The following TENM2 variants were observed in gnomAD, a reference collection of about 807,000 sequenced individuals.
The protein encoded by TENM2 is teneurin-2.
A neutral mutation model predicts 245.2 loss-of-function variants in TENM2; 52 were observed. The ratio of observed to expected loss-of-function variants is 0.21; its 90% CI spans 0.17 to 0.27. TENM2 has a LOEUF of 0.27. Ranked by LOEUF, TENM2 falls within the 10% of genes least tolerant of loss-of-function variation. The pLI is 1.00. For missense variants in TENM2, 3,046 were observed against 3,666.8 expected, an observed-to-expected ratio of 0.83 and a Z score of 4.37; for synonymous variants, 1,363 against 1,438.9, an observed-to-expected ratio of 0.95 and a Z score of 1.19.
chr5:167,078,108 G>T, the TENM2 span, among the ~76,000 whole-genome samples: 1 of 151,906 alleles, frequency 6.6e-6, no homozygotes, highest in African/African-American at 2.4e-5. Flanking sequence ...GTAAGTCAAA[G>T]GATTATAGTT....
chr5:167,585,659 C>A (rs1486187835), intron 2 of TENM2, among the ~76,000 whole-genome samples: 1 of 151,968 alleles, frequency 6.6e-6, no homozygotes, highest in African/African-American at 2.4e-5. Context: ...CTATGTTACA[C>A]AAAGACATAA....
chr5:168,119,097 T>C (rs1053836816), intron 10 of TENM2, among the ~76,000 whole-genome samples: 1 of 152,214 alleles, frequency 6.6e-6, no homozygotes, highest in African/African-American at 2.4e-5. Context: ...GTAGGTTTTT[T>C]ATGTCATTTA....
Position 168,154,344 on chromosome 5 carries a change from G to A in TENM2, c.2423-8267G>A, listed in dbSNP as rs547475449. On this transcript the variant is annotated intron_variant, in intron 12 of 28. Coordinates refer to ENST00000518659, the Ensembl canonical transcript of TENM2. The stretch of plus-strand genomic sequence containing the variant: ...CAATTCTCCTGCCTCAGCCTCTCAA[G>A]TAGCTGGGATTATAGGTGCCTGCCA... Among the ~76,000 whole-genome samples the A allele has an allele frequency of 3.6e-3, 547 of 152,004 alleles. 4 individuals are homozygous for A. The highest frequency in any genetic ancestry group is 0.013 in the African/African-American group (528 of 41,430).
chr5:167,888,284 A>G (rs1774456431), intron 3 of TENM2, among the ~76,000 whole-genome samples: 1 of 152,136 alleles, frequency 6.6e-6, no homozygotes, highest in Admixed American at 6.6e-5. Flanking sequence ...TGCATTCACC[A>G]TTAGATTTAA....
rs117334242 is a variant in TENM2, at chr5:167,814,373, A to T, written c.503-61613A>T. Among the ~76,000 whole-genome samples, 770 of 151,906 alleles carry T rather than the reference A, an allele frequency of 5.1e-3. 18 individuals carry two copies. The East Asian group carries it at 0.065, about 13-fold the overall frequency. On this transcript the variant is annotated intron_variant, in intron 2 of 28. Transcript: ENST00000518659. Reference sequence around the variant, plus strand: ...GACATAATGAAAACCTCATTTTTAGAACATTTCTTTTCCTGGTGACGTTTC... The same window carrying T: ...GACATAATGAAAACCTCATTTTTAGTACATTTCTTTTCCTGGTGACGTTTC...
chr5:167,207,330 G>A, the TENM2 span, among the ~76,000 whole-genome samples: 4 of 152,180 alleles, frequency 2.6e-5, no homozygotes, highest in Non-Finnish European at 1.5e-5. Context: ...GAAAGAGAAC[G>A]CATGAGTATA....
intron 4 of TENM2, among the ~76,000 whole-genome samples, chr5:167,960,225 C>A (rs1442438115): frequency 6.6e-6 from 1 of 152,222 alleles, no homozygotes; most frequent in Non-Finnish European, 1.5e-5. Flanking sequence ...AAGCACTGTG[C>A]TGGGAGATCC....
At chr5:167,371,334 GTTTTTTTTTTTTTTCTTTCTTTTCTTTT>G (rs1760415006) in intron 1 of TENM2, among the ~76,000 whole-genome samples, 1 of 128,970 alleles carries the variant, frequency 7.8e-6, no homozygotes, top group African/African-American at 2.9e-5. Flanking sequence ...ATGGCTCCCT[GTTTTTTTTTTTTTTCTTTCTTTTCTTTT>G]TTTTTTTTTT....
intron 2 of TENM2, among the ~76,000 whole-genome samples, chr5:167,712,737 T>TTC (rs1758992490): frequency 6.6e-6 from 1 of 152,210 alleles, no homozygotes; most frequent in African/African-American, 2.4e-5. Context: ...GAATATGGAA[T>TTC]AAAACATGAA....
chr5:167,187,895 C>T, the TENM2 span, among the ~76,000 whole-genome samples: 87 of 151,964 alleles, frequency 5.7e-4, 4 homozygotes, highest in South Asian at 0.014. Flanking sequence ...TAAAACACCC[C>T]GAGCCATAAC....
chr5:168,061,709 A>ACCCTC (rs1424855732), intron 6 of TENM2, among the ~76,000 whole-genome samples: 1 of 151,852 alleles, frequency 6.6e-6, no homozygotes, highest in East Asian at 1.9e-4. Flanking sequence ...AATTAACATC[A>ACCCTC]CCCTCCCCTC....
chr5:168,127,419 G>A (rs1795936179), intron 12 of TENM2, among the ~76,000 whole-genome samples: 3 of 152,108 alleles, frequency 2.0e-5, no homozygotes, highest in Non-Finnish European at 2.9e-5. Context: ...CTCCGTAGCA[G>A]GTACCACGGT....
intron 23 of TENM2, among the ~76,000 whole-genome samples, chr5:168,219,824 C>CAAAAAAAAAAAAAAAAA (rs70976468): frequency 2.0e-5 from 1 of 49,818 alleles, no homozygotes; most frequent in African/African-American, 9.0e-5. Context: ...GTTGGCACAG[C>CAAAAAAAAAAAAAAAAA]AAAAAAAAAA....
At chr5:167,922,438 T>C (rs1421544866) in intron 3 of TENM2, among the ~76,000 whole-genome samples, 1 of 152,150 alleles carries the variant, frequency 6.6e-6, no homozygotes, top group East Asian at 1.9e-4. Context: ...ACCATGTTCC[T>C]TTTCTTTCTG....
At chr5:167,706,326 T>C (rs1003601537) in intron 2 of TENM2, among the ~76,000 whole-genome samples, 1 of 147,712 alleles carries the variant, frequency 6.8e-6, no homozygotes, top group South Asian at 2.1e-4. Flanking sequence ...AGAAAATATA[T>C]ATTAGAAAAT....
At chr5:167,772,194 C>A (rs79972546) in intron 2 of TENM2, among the ~76,000 whole-genome samples, 4,464 of 152,128 alleles carry the variant, frequency 0.029, 93 homozygotes, top group Non-Finnish European at 0.04. Context: ...ATATGTGTTC[C>A]CTGGAATTTA....
At chr5:168,162,672 G>C (rs1757854256) in exon 13 of TENM2, 1 of 1,614,052 alleles carries the variant, frequency 6.2e-7, no homozygotes, top group East Asian at 2.2e-5. Flanking sequence ...ACAGCTGGCA[G>C]TGTGTCTGCC....
At chr5:167,673,438 G>A (rs1427391412) in intron 2 of TENM2, among the ~76,000 whole-genome samples, 2 of 152,178 alleles carry the variant, frequency 1.3e-5, no homozygotes, top group Non-Finnish European at 2.9e-5. Context: ...GTCCAATGGG[G>A]AAGTTCTCTG....
chr5:168,027,027 A>G (rs1260285561), intron 5 of TENM2, among the ~76,000 whole-genome samples: 4 of 152,176 alleles, frequency 2.6e-5, no homozygotes, highest in African/African-American at 7.2e-5. Flanking sequence ...CTAATTAGCT[A>G]AAACTACTTA....
Sources: allele counts gnomAD v4.1 joint callset (sites outside exome capture counted in the v4.1 genomes callset), GRCh38; gene constraint gnomAD v4.1.1; transcripts MANE v1.5; gene names NCBI Gene and HGNC (gene_info 2026-07-23, HGNC 2026-07-21).